MROH2A: variants seen among roughly 807,000 people sequenced by gnomAD.
The protein encoded by MROH2A is maestro heat like repeat family member 2A.
In MROH2A, 174 loss-of-function variants were observed where a neutral mutation model predicts 200.4. That is an observed-to-expected ratio of 0.87 (90% confidence interval 0.77 to 0.98). The LOEUF (loss-of-function observed/expected upper bound fraction) is 0.98, where lower values mean the gene tolerates loss of function less well. Among genes scored for constraint, MROH2A ranks in the 50% least tolerant of loss-of-function variants. The pLI is 0.00. For synonymous variants in MROH2A, 829 were observed against 840.4 expected (o/e 0.99, Z 0.23); for missense variants, 2,045 against 2,139.6 (o/e 0.96, Z 0.87).
intron 31 of MROH2A, 92 bp from the exon 32 acceptor site, chr2:233,822,032 A>G (rs1703971745): frequency 2.1e-6 from 3 of 1,424,404 alleles, no homozygotes; most frequent in African/African-American, 2.8e-5. Flanking sequence ...TCCAACCCCT[A>G]CTTAGGGGGC....
chr2:233,823,505 C>T lies in MROH2A; in HGVS notation c.4005-51C>T. 2.0e-6 allele frequency: 3 copies of T among 1,527,064 alleles called. No homozygotes were observed. The African/African-American group carries it at 4.1e-5, about 21-fold the overall frequency. 94.6% of individuals were successfully genotyped at this position (1,527,064 alleles called of 1,614,324 possible). On this transcript the variant is annotated intron_variant, in intron 34 of 41. Transcript: ENST00000389758. ...GCCCTGCCCAGCTCTTGGCAAACGT[C>T]AGGCAGGGGTGGGGCCGCCTCCACG...
At chr2:233,804,359 G>A in intron 17 of MROH2A, 136 bp from the exon 18 acceptor site, 1 of 1,306,480 alleles carries the variant, frequency 7.7e-7, no homozygotes, top group South Asian at 1.4e-5. Flanking sequence ...GGTGAGGAGT[G>A]CAATGCAACG....
At chr2:233,792,676 G>T (rs1004450803) in intron 5 of MROH2A, 120 bp from the exon 6 acceptor site, 5 of 661,418 alleles carry the variant, frequency 7.6e-6, no homozygotes, top group South Asian at 7.1e-5. Context: ...AGGACAGAGG[G>T]CTAAGCCAGC....
At chr2:233,832,068 G>A in intron 39 of MROH2A, 109 bp from the exon 40 acceptor site, 1 of 852,960 alleles carries the variant, frequency 1.2e-6, no homozygotes, top group Non-Finnish European at 1.8e-6. Flanking sequence ...GCTGGGATGG[G>A]CGCTTGCCCT....
At chr2:233,778,204 C>T (rs1700764532), upstream of MROH2A, 1 of 153,512 alleles carries the variant, frequency 6.5e-6, no homozygotes, top group South Asian at 2.1e-4. Flanking sequence ...ACCCCAGAGC[C>T]CTGTGCACTC....
rs1035730211 is a variant in MROH2A, at chr2:233,819,907, C to A, written c.3363C>A (p.Ala1121=). The A allele has an allele frequency of 4.6e-6, 7 of 1,511,136 alleles. No homozygotes were observed. Among genetic ancestry groups the A allele is most frequent in the Non-Finnish European group, 6.2e-6 (7 of 1,121,624 alleles). The allele number at this position is 1,511,136 out of a possible 1,614,324, so 93.6% of individuals were successfully genotyped here. The stretch of plus-strand genomic sequence containing the variant: ...GATGCCCCATCCCTACCTAGGTGGC[C>A]GAGATCCTGAGTGCCATCCTGGTGC... ...MRAKELEDKV[A]EILSAILVHL... is the part of the protein sequence containing the mutation. The change falls in exon 31 of 42, where the codon GCC becomes GCA. Residue 1121 remains alanine (A), a synonymous_variant. Coordinates refer to ENST00000389758, the MANE Select transcript of MROH2A (RefSeq NM_001394639.1).
At chr2:233,793,443 C>T (rs1005586688) in intron 6 of MROH2A, among the ~76,000 whole-genome samples, 8 of 152,202 alleles carry the variant, frequency 5.3e-5, no homozygotes, top group Admixed American at 2.0e-4. Context: ...CCCTTGACCC[C>T]GTCTCTGTCC....
At chr2:233,803,422 G>C in intron 15 of MROH2A, 26 bp from the exon 16 acceptor site, 8 of 1,550,474 alleles carry the variant, frequency 5.2e-6, no homozygotes, top group Non-Finnish European at 7.0e-6. Flanking sequence ...GGAAGGCTCA[G>C]CTGGGGTTGC....
In MROH2A at chr2:233,831,410, C is replaced by T; in HGVS notation, c.4604C>T (p.Ala1535Val). The T allele has an allele frequency of 1.3e-6, 2 of 1,549,036 alleles. No individual in the cohort carries two copies. Among genetic ancestry groups the T allele is most frequent in the South Asian group, 1.2e-5 (1 of 83,814 alleles). ...TGCTGCCGTCCTGTGTCCCTGCAGG[C>T]CTGTATGGCTACCATGTTTCAGTGT... ...SQDPCSNAAQ[A>V]CMATMFQCVH... The change falls in exon 39 of 42, where the codon GCC becomes GTC. Residue 1535 changes from alanine (A) to valine (V), a missense_variant and splice_region_variant. Physicochemically the swap from Ala to Val is moderately conservative, Grantham distance 64 (BLOSUM62 0). This residue lies in a region of MROH2A where 1,201 missense variants were observed against 1,311.3 expected (regional missense o/e 0.92). Transcript: ENST00000389758.
intron 40 of MROH2A, 104 bp from the exon 41 acceptor site, chr2:233,832,475 A>C: frequency 9.3e-7 from 1 of 1,076,450 alleles, no homozygotes; most frequent in South Asian, 1.4e-5. Flanking sequence ...GCTCAACAAA[A>C]TCTTTCATCA....
At position 233,829,072 on chromosome 2, in the gene MROH2A, C is replaced by A; in HGVS notation, c.4446C>A (p.Asn1482Lys). 1 of 1,508,088 alleles carries A rather than the reference C, an allele frequency of 6.6e-7. No homozygotes were observed. The highest frequency in any genetic ancestry group is 8.9e-7 in the Non-Finnish European group (1 of 1,123,964). 93.4% of individuals were successfully genotyped at this position (1,508,088 alleles called of 1,614,324 possible). A position where few individuals can be genotyped will look rare whatever the true frequency, so the allele number is the denominator to read the frequency against. Residue 1482 changes from asparagine (N) to lysine (K), a missense_variant and splice_region_variant, in exon 37 of 42, where the codon AAC becomes AAA. Physicochemically the swap from Asn to Lys is moderately conservative, Grantham distance 94. This residue lies in a region of MROH2A where 1,201 missense variants were observed against 1,311.3 expected (regional missense o/e 0.92). Coordinates refer to ENST00000389758, the MANE Select transcript of MROH2A (RefSeq NM_001394639.1). ...MSEQCRIFFD[N>K]ESELLRLKAF... ...AGCAGTGCAGGATCTTCTTCGACAA[C>A]GTGAGTCCGATGAGAGCCTCCCTGA...
At chr2:233,796,105 A>T (rs1702091423) in intron 10 of MROH2A, 60 bp downstream of exon 10, 1 of 1,522,856 alleles carries the variant, frequency 6.6e-7, no homozygotes, top group African/African-American at 1.4e-5. Context: ...GGCCTGTAGG[A>T]GTCCCGGCCC....
intron 5 of MROH2A, among the ~76,000 whole-genome samples, chr2:233,790,847 A>G (rs1701716129): frequency 6.6e-6 from 1 of 152,146 alleles, no homozygotes; most frequent in Admixed American, 6.5e-5. Flanking sequence ...GCAAACAAGG[A>G]AATAGACGTT....
intron 14 of MROH2A, among the ~76,000 whole-genome samples, chr2:233,801,925 C>T (rs1050674350): frequency 2.6e-5 from 4 of 152,124 alleles, no homozygotes; most frequent in Non-Finnish European, 5.9e-5. Flanking sequence ...AGGAGTTGGG[C>T]AACAGGGATG....
Position 233,807,696 on chromosome 2 carries a change from C to T in MROH2A, c.2173-37C>T, listed in dbSNP as rs748861359. ...GTGGGATCCTCCTCTGCCCACTGGC[C>T]CCTGCCCTCACCCTGGCTGGCTGGG... On this transcript the variant is annotated intron_variant, in intron 20 of 41. Transcript: ENST00000389758. The surrounding 1 kb of genome is among the most constrained non-coding windows in gnomAD (Gnocchi z 4.3). The T allele has an allele frequency of 4.8e-5, 74 of 1,550,352 alleles. No individual in the cohort carries two copies. Among genetic ancestry groups the T allele is most frequent in the Middle Eastern group, 1.7e-4 (1 of 5,994 alleles).
In MROH2A at chr2:233,792,779, CCCTCACAA is replaced by C; in HGVS notation, c.572-9_572-2del. 1 of 1,478,642 alleles carries C rather than the reference CCCTCACAA, an allele frequency of 6.8e-7. No individual in the cohort carries two copies. Among genetic ancestry groups the C allele is most frequent in the East Asian group, 2.5e-5 (1 of 40,530 alleles). The allele number at this position is 1,478,642 out of a possible 1,614,324, so 91.6% of individuals were successfully genotyped here. A position where few individuals can be genotyped will look rare whatever the true frequency, so the allele number is the denominator to read the frequency against. On this transcript the variant is annotated splice_polypyrimidine_tract_variant and intron_variant, in intron 5 of 41. Coordinates refer to ENST00000389758, the MANE Select transcript of MROH2A (RefSeq NM_001394639.1). ...CCCAGCCCCAACTTCCTGTAATCAT[CCCTCACAA>C]CCTCACAGTGTTTGAGTTCATGCCA...
At chr2:233,814,192 C>G (rs1052439980) in intron 25 of MROH2A, among the ~76,000 whole-genome samples, 2 of 152,160 alleles carry the variant, frequency 1.3e-5, no homozygotes, top group African/African-American at 4.8e-5. Flanking sequence ...ATTTTGCCCT[C>G]CTTCTATTGG....
chr2:233,813,345 A>C (rs1175747812), intron 24 of MROH2A, among the ~76,000 whole-genome samples: 2 of 152,220 alleles, frequency 1.3e-5, no homozygotes, highest in Non-Finnish European at 2.9e-5. Context: ...AGCACCAGCC[A>C]GGGAGGGCAG....
intron 11 of MROH2A, 104 bp from the exon 12 acceptor site, chr2:233,798,670 G>A (rs1237878843): frequency 2.5e-6 from 2 of 790,310 alleles, no homozygotes; most frequent in Non-Finnish European, 4.3e-6. Context: ...CCCTGAGCTT[G>A]GAGAATGTGG....
Sources: gnomAD v4.1 joint callset for allele counts (sites outside exome capture counted in the v4.1 genomes callset) on GRCh38, gnomAD v4.1.1 for gene constraint, gnomAD v4.1.1 regional missense constraint, Gnocchi (gnomAD v3.1) non-coding constraint, MANE v1.5 for transcripts, NCBI Gene and HGNC (gene_info 2026-07-23, HGNC 2026-07-21) for gene names.